KSR2: variants seen among roughly 807,000 people sequenced by gnomAD.
KSR2 encodes the protein kinase suppressor of ras 2.
A neutral mutation model predicts 107.8 loss-of-function variants in KSR2; 25 were observed. The observed-to-expected ratio is 0.23, with a 90% CI of 0.17 to 0.32. The LOEUF (loss-of-function observed/expected upper bound fraction) is 0.32, where lower values mean the gene tolerates loss of function less well. KSR2 is among the 10% of genes least tolerant of loss of function. The probability of loss-of-function intolerance (pLI) is 1.00; values close to 1 mark genes in which losing one functional copy is unlikely to be tolerated. For missense variants in KSR2, 887 were observed against 1,268.9 expected, an observed-to-expected ratio of 0.70 and a Z score of 4.57; for synonymous variants, 480 against 507.0, an observed-to-expected ratio of 0.95 and a Z score of 0.71.
chr12:117,646,799 T>C (rs1883668058), intron 5 of KSR2, among the ~76,000 whole-genome samples: 1 of 152,124 alleles, frequency 6.6e-6, no homozygotes, highest in Non-Finnish European at 1.5e-5. Context: ...TGCTCTGACT[T>C]CTGAAGGGGC....
chr12:117,561,906 C>A (rs1878147364), intron 7 of KSR2, among the ~76,000 whole-genome samples: 1 of 152,226 alleles, frequency 6.6e-6, no homozygotes, highest in Non-Finnish European at 1.5e-5. Context: ...ATTCATTCAA[C>A]ACTGAGTTTG....
At chr12:117,918,659 A>G (rs1239966964) in intron 1 of KSR2, among the ~76,000 whole-genome samples, 1 of 151,948 alleles carries the variant, frequency 6.6e-6, no homozygotes, top group Non-Finnish European at 1.5e-5. Context: ...GTGGTGGCGC[A>G]TGCCCGTAAT....
intron 3 of KSR2, among the ~76,000 whole-genome samples, chr12:117,783,582 G>A (rs1001817822): frequency 6.6e-6 from 1 of 152,192 alleles, no homozygotes; most frequent in African/African-American, 2.4e-5. Flanking sequence ...AAAAAAAATG[G>A]AAAAGGCAAC....
chr12:117,762,489 T>C (rs146462126), intron 3 of KSR2, among the ~76,000 whole-genome samples: 1 of 152,262 alleles, frequency 6.6e-6, no homozygotes, highest in East Asian at 1.9e-4. Flanking sequence ...AAAGCAGCCA[T>C]GATAGACAAG....
chr12:117,711,191 A>G (rs1948522648), intron 4 of KSR2, among the ~76,000 whole-genome samples: 1 of 152,264 alleles, frequency 6.6e-6, no homozygotes, highest in Non-Finnish European at 1.5e-5. Flanking sequence ...GACATGAGAT[A>G]GATAAAACAA....
intron 5 of KSR2, among the ~76,000 whole-genome samples, chr12:117,615,866 T>C (rs1292229367): frequency 6.6e-6 from 1 of 152,210 alleles, no homozygotes; most frequent in Non-Finnish European, 1.5e-5. Flanking sequence ...TAATTTGTTA[T>C]GCAGCAGATA....
chr12:117,457,716 C>G lies in KSR2; in HGVS notation c.*9483G>C, dbSNP rs1482525507. The stretch of plus-strand genomic sequence containing the variant: ...TGGATGTCACCAGTACCAGGTGCTA[C>G]TGGTATCTTGTGGGGAGAGTTGAGG... On this transcript the variant is annotated 3_prime_UTR_variant, in exon 20 of 20. Coordinates refer to ENST00000339824, the MANE Select transcript of KSR2 (RefSeq NM_173598.6). The G allele has an allele frequency of 1.3e-5, 2 of 152,214 alleles. No individual in the cohort carries two copies. Among genetic ancestry groups the G allele is most frequent in the African/African-American group, 4.8e-5 (2 of 41,456 alleles). The allele number at this position is 152,214 out of a possible 1,614,324, so 9.4% of individuals were successfully genotyped here.
chr12:117,955,746 A>T (rs896031294), intron 1 of KSR2, among the ~76,000 whole-genome samples: 2 of 151,876 alleles, frequency 1.3e-5, no homozygotes, highest in Non-Finnish European at 2.9e-5. Context: ...CAAGATTTCT[A>T]TTATGGCAAA....
At chr12:117,554,546 T>A (rs1035067080) in intron 9 of KSR2, among the ~76,000 whole-genome samples, 5 of 152,208 alleles carry the variant, frequency 3.3e-5, no homozygotes, top group African/African-American at 1.2e-4. Context: ...CCACATGTCA[T>A]GGGAGGGGCC....
intron 3 of KSR2, among the ~76,000 whole-genome samples, chr12:117,778,540 AG>A (rs779370058): frequency 3.2e-4 from 49 of 152,262 alleles, no homozygotes; most frequent in Middle Eastern, 3.2e-3. Flanking sequence ...CTAGATGGAT[AG>A]TCTTGAGAAA....
intron 5 of KSR2, among the ~76,000 whole-genome samples, chr12:117,583,757 G>T (rs369795189): frequency 1.3e-5 from 2 of 152,108 alleles, no homozygotes; most frequent in African/African-American, 2.4e-5. Context: ...GTGAAACAAC[G>T]GCAGCAAGGA....
chr12:117,918,649 G>A (rs560347957), intron 1 of KSR2, among the ~76,000 whole-genome samples: 37 of 151,988 alleles, frequency 2.4e-4, no homozygotes, highest in African/African-American at 8.9e-4. Flanking sequence ...CTATCCGGGC[G>A]TGGTGGCGCA....
chr12:117,708,301 T>C (rs1288151082), intron 4 of KSR2, among the ~76,000 whole-genome samples: 1 of 152,140 alleles, frequency 6.6e-6, no homozygotes, highest in Non-Finnish European at 1.5e-5. Flanking sequence ...TGGAGTCCAG[T>C]GGTTCTAGTG....
intron 9 of KSR2, among the ~76,000 whole-genome samples, chr12:117,545,217 G>A (rs988352992): frequency 1.3e-5 from 2 of 151,968 alleles, no homozygotes; most frequent in Non-Finnish European, 2.9e-5. Context: ...TAAATATTTT[G>A]TTAAGAATTT....
intron 5 of KSR2, among the ~76,000 whole-genome samples, chr12:117,596,861 G>A (rs1880678990): frequency 6.6e-6 from 1 of 152,188 alleles, no homozygotes; most frequent in African/African-American, 2.4e-5. Context: ...GCTCACTATA[G>A]CTTTGATAAA....
At chr12:117,624,447 AG>A (rs1441793646) in intron 5 of KSR2, among the ~76,000 whole-genome samples, 55 of 152,234 alleles carry the variant, frequency 3.6e-4, no homozygotes, top group Admixed American at 2.9e-3. Context: ...ATGGCTAGCC[AG>A]TTTTCCCAGC....
chr12:117,777,434 C>T (rs1393877781), intron 3 of KSR2, among the ~76,000 whole-genome samples: 2 of 152,150 alleles, frequency 1.3e-5, no homozygotes, highest in Non-Finnish European at 2.9e-5. Flanking sequence ...AGAAAGGACA[C>T]TGCTTACACC....
intron 4 of KSR2, among the ~76,000 whole-genome samples, chr12:117,753,069 G>A (rs1204827527): frequency 2.6e-5 from 4 of 152,180 alleles, no homozygotes; most frequent in African/African-American, 7.2e-5. Context: ...CAAAGCCAGA[G>A]GGAAAACAAA....
chr12:117,702,884 T>G (rs184798583), intron 4 of KSR2, among the ~76,000 whole-genome samples: 1 of 152,220 alleles, frequency 6.6e-6, no homozygotes, highest in African/African-American at 2.4e-5. Flanking sequence ...GCTAAGTTAT[T>G]ACATGTTTGG....
Sources: allele counts gnomAD v4.1 joint callset (sites outside exome capture counted in the v4.1 genomes callset), GRCh38; gene constraint gnomAD v4.1.1; transcripts MANE v1.5; gene names NCBI Gene and HGNC (gene_info 2026-07-23, HGNC 2026-07-21).